Variants in DOCK11 observed in about 807,000 individuals in gnomAD.
DOCK11 encodes dedicator of cytokinesis 11, also known as dedicator of cytokinesis protein 11.
In DOCK11, 70 loss-of-function variants were observed where a neutral mutation model predicts 169.1. The observed-to-expected ratio is 0.41, with a 90% confidence interval of 0.34 to 0.51. DOCK11 has a LOEUF of 0.51. DOCK11 is among the 20% of genes least tolerant of loss of function. DOCK11 has a pLI of 0.10. For synonymous variants in DOCK11, 529 were observed against 541.3 expected, an observed-to-expected ratio of 0.98 and a Z score of 0.32; for missense variants, 1,166 against 1,538.8, an observed-to-expected ratio of 0.76 and a Z score of 4.05.
At chrX:118,620,197 T>C in intron 31 of DOCK11, among the ~76,000 whole-genome samples, 1 of 111,783 alleles carries the variant, frequency 8.9e-6, no homozygotes, top group Non-Finnish European at 1.9e-5. Context: ...GTGCAAACTG[T>C]ATGGATTTAG....
Position 118,527,141 on chromosome X carries a change from C to G in DOCK11, c.103-15584C>G, listed in dbSNP as rs762696519. The stretch of plus-strand genomic sequence containing the variant: ...AGTTGTATTTCATGTACTGTATATA[C>G]TTTTATCATTAGATGAGTGTCTGCA... On this transcript the variant is annotated intron_variant, in intron 1 of 52. Coordinates refer to ENST00000276202, the MANE Select transcript of DOCK11 (RefSeq NM_144658.4). Among the ~76,000 whole-genome samples the G allele has an allele frequency of 3.6e-5, 4 of 112,182 alleles. No individual in the cohort carries two copies. In the South Asian group the frequency reaches 1.4e-3, roughly 41 times the overall value.
chrX:118,542,946 A>T lies in DOCK11; in HGVS notation c.240A>T (p.Gln80His). The part of the protein sequence containing the change: ...EDISISVIGR[Q>H]RRTVQSTVPE... Reference sequence around the variant, plus strand: ...TCTAGATCTCGGTGATAGGTCGTCAACGCAGAACGGTGCAGTCTACTGTAC... The same window carrying T: ...TCTAGATCTCGGTGATAGGTCGTCATCGCAGAACGGTGCAGTCTACTGTAC... The change falls in exon 3 of 53, where the codon CAA becomes CAT. Residue 80 changes from glutamine to histidine, a missense_variant. Gln to His is a conservative substitution (Grantham distance 24). Transcript: ENST00000276202. 8 of 1,211,256 alleles carry T rather than the reference A, an allele frequency of 6.6e-6. No homozygotes were observed. Among genetic ancestry groups the T allele is most frequent in the Non-Finnish European group, 8.9e-6 (8 of 895,210 alleles).
In DOCK11 at chrX:118,561,516, AG is replaced by A; in HGVS notation, c.693+1del. The A allele has an allele frequency of 8.5e-7, 1 of 1,181,527 alleles. No homozygotes were observed. The highest frequency in any genetic ancestry group is 1.1e-6 in the Non-Finnish European group (1 of 881,668). On this transcript the variant is annotated frameshift_variant and splice_region_variant, in exon 7 of 53. Transcript: ENST00000276202. LOFTEE classifies it high-confidence loss of function. ...IYLDACIDVV[Q>X]CPKMRRHAFE... Reference sequence around the variant, plus strand: ...TTGGACGCCTGCATTGATGTTGTTCAGGTAAGGCCATTGAGGTAATCCTTCT... The same window carrying A: ...TTGGACGCCTGCATTGATGTTGTTCAGTAAGGCCATTGAGGTAATCCTTCT...
chrX:118,556,088 A>G (rs1227909810), intron 6 of DOCK11, among the ~76,000 whole-genome samples: 4 of 102,860 alleles, frequency 3.9e-5, no homozygotes, highest in African/African-American at 1.4e-4. Context: ...TCTGTCTTCC[A>G]GGCTGGAGTG....
chrX:118,652,134 A>AG, intron 42 of DOCK11, 57 bp downstream of exon 42: 6 of 763,372 alleles, frequency 7.9e-6, no homozygotes, highest in African/African-American at 2.1e-5. Flanking sequence ...GGGAAGTTTA[A>AG]ACTCTTAAAC....
chrX:118,507,347 T>C (rs2057620293), intron 1 of DOCK11, among the ~76,000 whole-genome samples: 1 of 105,338 alleles, frequency 9.5e-6, no homozygotes, highest in Admixed American at 1.1e-4. Context: ...GTCAGAAGGC[T>C]GGGGAATTCA....
intron 46 of DOCK11, among the ~76,000 whole-genome samples, chrX:118,671,602 A>C (rs919638289): frequency 2.1e-4 from 23 of 112,150 alleles, no homozygotes; most frequent in African/African-American, 7.1e-4. Flanking sequence ...CCTTATATTC[A>C]TTTATGTTTT....
In DOCK11 at chrX:118,654,093, T is replaced by C. The variant is rs981545292; in HGVS notation, c.4696-509T>C. Among the ~76,000 whole-genome samples, 6 of 112,422 alleles carry C rather than the reference T, an allele frequency of 5.3e-5. No individual in the cohort carries two copies. In the Admixed American group the frequency reaches 5.7e-4, roughly 11 times the overall value. ...TGGAAGAGTGGCCAAGAGCACCAGC[T>C]CTAGGGCCAGACTGCCTGGGTGAAA... On this transcript the variant is annotated intron_variant, in intron 42 of 52. Coordinates refer to ENST00000276202, the MANE Select transcript of DOCK11 (RefSeq NM_144658.4).
rs772404257 is a variant in DOCK11, at chrX:118,612,085, A to G, written c.3096+1667A>G. On this transcript the variant is annotated intron_variant, in intron 28 of 52. Transcript: ENST00000276202. ...TGGGTTGCAAATGCACCTAGTTTTTACTTGCCTCTTTCCATTCTCCCTCTC... is the reference window on the plus strand; with the variant it reads ...TGGGTTGCAAATGCACCTAGTTTTTGCTTGCCTCTTTCCATTCTCCCTCTC... 1.4e-4 allele frequency among the ~76,000 whole-genome samples: 16 copies of G among 112,054 alleles called. 1 individual carries two copies. The South Asian group carries it at 5.5e-3, about 39-fold the overall frequency.
rs1295309125 is a variant in DOCK11 at position 118,580,163 on chromosome X, T to C, written c.1579T>C (p.Phe527Leu). The C allele has an allele frequency of 8.3e-7, 1 of 1,208,055 alleles. No individual in the cohort carries two copies. The highest frequency in any genetic ancestry group is 1.8e-5 in the South Asian group (1 of 56,241). The change falls in exon 14 of 53, where the codon TTC becomes CTC. Residue 527 changes from phenylalanine (F) to leucine (L), a missense_variant. Transcript: ENST00000276202. ...CSRLGQYRMP[F>L]AWAARPIFKD... The stretch of plus-strand genomic sequence containing the variant: ...CCGCCTTGGACAATACAGAATGCCC[T>C]TCGCTTGGGCTGCCAGGTTTGTACA...
chrX:118,574,412 CA>C (rs1049845386), intron 12 of DOCK11, among the ~76,000 whole-genome samples: 4 of 110,134 alleles, frequency 3.6e-5, no homozygotes, highest in African/African-American at 9.9e-5. Flanking sequence ...CTAAAGGTAC[CA>C]AAAAAATTAG....
At chrX:118,496,140 A>G (rs1482039220) in intron 1 of DOCK11, 67 bp downstream of exon 1, 4 of 788,140 alleles carry the variant, frequency 5.1e-6, no homozygotes, top group Non-Finnish European at 6.4e-6. Flanking sequence ...GGGAAGGGGC[A>G]GGAACGGCGC....
chrX:118,653,047 C>T (rs2147542868), intron 42 of DOCK11, among the ~76,000 whole-genome samples: 1 of 111,973 alleles, frequency 8.9e-6, no homozygotes, highest in South Asian at 3.7e-4. Flanking sequence ...AGTATATGCT[C>T]CAGCTAATCT....
At chrX:118,549,593 G>A (rs932498037) in intron 6 of DOCK11, among the ~76,000 whole-genome samples, 33 of 110,773 alleles carry the variant, frequency 3.0e-4, no homozygotes, top group Admixed American at 2.4e-3. Context: ...TCACTGTGTC[G>A]CCCAGGCTGG....
intron 1 of DOCK11, among the ~76,000 whole-genome samples, chrX:118,539,688 C>T (rs1400717600): frequency 9.0e-6 from 1 of 110,588 alleles, no homozygotes; most frequent in African/African-American, 3.3e-5. Flanking sequence ...ACTTTGTACC[C>T]CATAAATTAA....
At chrX:118,656,863 C>T (rs910477136) in intron 44 of DOCK11, among the ~76,000 whole-genome samples, 2 of 110,950 alleles carry the variant, frequency 1.8e-5, no homozygotes, top group African/African-American at 3.3e-5. Context: ...ACCCAGGAGG[C>T]GGAGGTTGCA....
At chrX:118,593,959 T>G (rs936606716) in intron 20 of DOCK11, among the ~76,000 whole-genome samples, 19 of 112,089 alleles carry the variant, frequency 1.7e-4, no homozygotes, top group Non-Finnish European at 3.6e-4. Context: ...AAACACATAT[T>G]GCGATACAGT....
intron 32 of DOCK11, among the ~76,000 whole-genome samples, chrX:118,625,758 C>G (rs1211106040): frequency 8.9e-6 from 1 of 111,768 alleles, no homozygotes; most frequent in African/African-American, 3.3e-5. Flanking sequence ...CTTGGTGAGA[C>G]TCTTTTAGTT....
chrX:118,645,885 T>TAAAAA (rs1255554011), intron 40 of DOCK11, among the ~76,000 whole-genome samples: 3 of 74,764 alleles, frequency 4.0e-5, no homozygotes, highest in African/African-American at 1.5e-4. Flanking sequence ...TGTCTCTAGT[T>TAAAAA]AAAAAAAAAA....
Sources: allele counts gnomAD v4.1 joint callset (sites outside exome capture counted in the v4.1 genomes callset), GRCh38; gene constraint gnomAD v4.1.1; transcripts MANE v1.5; gene names NCBI Gene and HGNC (gene_info 2026-07-23, HGNC 2026-07-21).